The following WDFY3 variants were observed in gnomAD, a reference collection of about 807,000 sequenced individuals.
The protein encoded by WDFY3 is WD repeat and FYVE domain-containing protein 3.
A neutral mutation model predicts 409.6 loss-of-function variants in WDFY3; 66 were observed. The ratio of observed to expected loss-of-function variants is 0.16; its 90% CI spans 0.13 to 0.20. The LOEUF (loss-of-function observed/expected upper bound fraction) is 0.20. WDFY3 is among the 10% of genes least tolerant of loss of function. The pLI is 1.00. For synonymous variants in WDFY3, 1,521 were observed against 1,537.1 expected (o/e 0.99, Z 0.25); for missense variants, 3,031 against 4,298.1 (o/e 0.71, Z 8.24).
chr4:84,806,772 A>AT (rs920654880), intron 15 of WDFY3, among the ~76,000 whole-genome samples: 128 of 145,468 alleles, frequency 8.8e-4, no homozygotes, highest in Admixed American at 1.6e-3. Context: ...TGCCCGGCCA[A>AT]TTTTTTTTTT....
chr4:84,773,604 CAA>C (rs1560722187), intron 29 of WDFY3, among the ~76,000 whole-genome samples: 1 of 152,160 alleles, frequency 6.6e-6, no homozygotes, highest in African/African-American at 2.4e-5. Flanking sequence ...ATAATTTCAG[CAA>C]AGTGACCATT....
At chr4:84,755,078 T>C (rs1050218259) in intron 34 of WDFY3, among the ~76,000 whole-genome samples, 188 bp downstream of exon 34, 1 of 152,160 alleles carries the variant, frequency 6.6e-6, no homozygotes, top group Non-Finnish European at 1.5e-5. Flanking sequence ...GGCTCCAGAG[T>C]GCACGGTCTT....
chr4:84,698,643 A>G (rs959178985), intron 56 of WDFY3, among the ~76,000 whole-genome samples: 2 of 152,004 alleles, frequency 1.3e-5, no homozygotes, highest in Non-Finnish European at 2.9e-5. Context: ...CCCAGGGTGA[A>G]TATTACTTAT....
In WDFY3 at chr4:84,782,981, C is replaced by T. The variant is rs530776607; in HGVS notation, c.4156G>A (p.Ala1386Thr). The change falls in exon 25 of 68, where the codon GCT (alanine) becomes ACT (threonine). Residue 1386 changes from alanine to threonine, a missense_variant. Around this residue, in one of 16 missense-constraint regions of WDFY3, gnomAD observed 1,322 missense variants for 1,697.9 expected, o/e 0.78. Coordinates refer to ENST00000295888, the MANE Select transcript of WDFY3 (RefSeq NM_014991.6). ...CACTCACCCAAGTATCCAATCAGAGCGGCCCCAATTGTCCGTGCAGATCCA... is the reference window on the plus strand; with the variant it reads ...CACTCACCCAAGTATCCAATCAGAGTGGCCCCAATTGTCCGTGCAGATCCA... ...LNGSARTIGA[A>T]LIGYLGVRTF... is the part of the protein sequence containing the mutation. The T allele has an allele frequency of 2.4e-5, 38 of 1,613,970 alleles. No individual in the cohort carries two copies. Among genetic ancestry groups the T allele is most frequent in the Middle Eastern group, 1.7e-4 (1 of 6,060 alleles).
At chr4:84,911,518 T>A (rs1767785935) in intron 2 of WDFY3, among the ~76,000 whole-genome samples, 3 of 152,016 alleles carry the variant, frequency 2.0e-5, no homozygotes, top group Admixed American at 2.0e-4. Context: ...AGGAGCAAAT[T>A]ACATGAACAC....
At chr4:84,713,371 C>CA in intron 50 of WDFY3, 132 bp from the exon 51 acceptor site, 1 of 699,972 alleles carries the variant, frequency 1.4e-6, no homozygotes, top group Non-Finnish European at 2.4e-6. Flanking sequence ...AAATGGCAGG[C>CA]AAAAGGAATA....
intron 30 of WDFY3, among the ~76,000 whole-genome samples, chr4:84,769,169 G>A (rs908139326): frequency 1.3e-5 from 2 of 152,172 alleles, no homozygotes; most frequent in African/African-American, 2.4e-5. Context: ...GGTTTCTTGA[G>A]ATGGAATCTA....
chr4:84,757,207 T>G (rs749494418), intron 32 of WDFY3, 46 bp from the exon 33 acceptor site: 3 of 1,544,326 alleles, frequency 1.9e-6, no homozygotes, highest in Non-Finnish European at 2.7e-6. Context: ...CAGCAACTGA[T>G]AAACATGCTG....
At chr4:84,853,608 T>C (rs192945028) in intron 4 of WDFY3, among the ~76,000 whole-genome samples, 9 of 152,362 alleles carry the variant, frequency 5.9e-5, no homozygotes, top group Admixed American at 4.6e-4. Flanking sequence ...ACAGAACCAA[T>C]AGCTCATTTC....
At chr4:84,861,000 CAGG>C (rs1560946432) in intron 3 of WDFY3, among the ~76,000 whole-genome samples, 1 of 152,094 alleles carries the variant, frequency 6.6e-6, no homozygotes, top group Non-Finnish European at 1.5e-5. Context: ...GGCTCGAGCT[CAGG>C]AGCTCGAGAC....
At chr4:84,721,243 C>G (rs1160218790) in intron 47 of WDFY3, among the ~76,000 whole-genome samples, 166 bp downstream of exon 47, 1 of 152,048 alleles carries the variant, frequency 6.6e-6, no homozygotes, top group Non-Finnish European at 1.5e-5. Context: ...ATGAGAAAAC[C>G]CTTACAGATG....
At chr4:84,776,996 A>G (rs1390086586) in intron 27 of WDFY3, among the ~76,000 whole-genome samples, 1 of 152,162 alleles carries the variant, frequency 6.6e-6, no homozygotes, top group Non-Finnish European at 1.5e-5. Context: ...CAGTAGAAGC[A>G]GAAAAGGCAG....
intron 2 of WDFY3, among the ~76,000 whole-genome samples, chr4:84,902,367 A>G (rs145527855): frequency 8.7e-4 from 133 of 152,344 alleles, no homozygotes; most frequent in African/African-American, 3.0e-3. Context: ...AATGGGTTAT[A>G]TATTTTGTAA....
At chr4:84,925,726 C>T (rs969597511) in intron 2 of WDFY3, among the ~76,000 whole-genome samples, 19 of 151,954 alleles carry the variant, frequency 1.3e-4, no homozygotes, top group Admixed American at 3.9e-4. Context: ...ATGTAAACAA[C>T]GTCCTTTATT....
Position 84,743,745 on chromosome 4 carries a change from A to C in WDFY3, c.6028T>G (p.Leu2010Val). 2 of 1,598,034 alleles carry C rather than the reference A, an allele frequency of 1.3e-6. No homozygotes were observed. Among genetic ancestry groups the C allele is most frequent in the Non-Finnish European group, 1.7e-6 (2 of 1,170,022 alleles). ...TQQKEFQTYI[L>V]DSVMDHLLAA... is the part of the protein sequence containing the mutation. ...AGCAAATGGTCCATCACGCTATCCAAAATGTAAGTTTGAAATTCTTTTTGC... is the reference window on the plus strand; with the variant it reads ...AGCAAATGGTCCATCACGCTATCCACAATGTAAGTTTGAAATTCTTTTTGC... The change falls in exon 37 of 68, where the codon TTG becomes GTG. Residue 2010 changes from leucine to valine, a missense_variant. Leu to Val is a conservative substitution (Grantham distance 32). Transcript: ENST00000295888.
chr4:84,679,833 T>C (rs916844662), intron 64 of WDFY3, among the ~76,000 whole-genome samples: 60 of 149,420 alleles, frequency 4.0e-4, no homozygotes, highest in Non-Finnish European at 2.7e-4. Context: ...TATATATATA[T>C]ATATATATAC....
chr4:84,875,871 C>G lies in WDFY3; in HGVS notation c.-31-15249G>C, dbSNP rs115772696. Among the ~76,000 whole-genome samples the G allele has an allele frequency of 8.1e-3, 1,234 of 152,196 alleles. 17 individuals are homozygous for G. The highest frequency in any genetic ancestry group is 0.028 in the African/African-American group (1,182 of 41,506). On this transcript the variant is annotated intron_variant, in intron 3 of 67. Coordinates refer to ENST00000295888, the MANE Select transcript of WDFY3 (RefSeq NM_014991.6). ...ATAACCCATATGGAGCTGTTATCTC[C>G]TATGATAACAATGCCTTCTTCTGAG...
At chr4:84,964,388 G>A (rs756261953) in intron 1 of WDFY3, among the ~76,000 whole-genome samples, 5 of 152,140 alleles carry the variant, frequency 3.3e-5, no homozygotes, top group African/African-American at 7.2e-5. Context: ...AGGATCACTC[G>A]GGCCCAGAAG....
intron 34 of WDFY3, among the ~76,000 whole-genome samples, chr4:84,754,268 C>T (rs189336764): frequency 2.0e-5 from 3 of 152,266 alleles, no homozygotes; most frequent in African/African-American, 4.8e-5. Flanking sequence ...GAAGTTACTT[C>T]ACCTTTCTGA....
Sources: gnomAD v4.1 joint callset for allele counts (sites outside exome capture counted in the v4.1 genomes callset) on GRCh38, gnomAD v4.1.1 for gene constraint, gnomAD v4.1.1 regional missense constraint, MANE v1.5 for transcripts, NCBI Gene and HGNC (gene_info 2026-07-23, HGNC 2026-07-21) for gene names.